The following ZBTB8A variants were observed in gnomAD, a reference collection of about 807,000 sequenced individuals.
The protein encoded by ZBTB8A is zinc finger and BTB domain containing 8A, also known as zinc finger and BTB domain-containing protein 8A.
In ZBTB8A, 19 loss-of-function variants were observed where a neutral mutation model predicts 37.8. That is an observed-to-expected ratio of 0.50 (90% CI 0.35 to 0.74). ZBTB8A has a LOEUF of 0.74. Among genes scored for constraint, ZBTB8A ranks in the 30% least tolerant of loss-of-function variants. The pLI is 0.01. For missense variants in ZBTB8A, 394 were observed against 537.8 expected (o/e 0.73, Z 2.65); for synonymous variants, 181 against 185.2 (o/e 0.98, Z 0.19).
intron 1 of ZBTB8A, among the ~76,000 whole-genome samples, chr1:32,544,490 A>G (rs1311637525): frequency 6.6e-6 from 1 of 152,240 alleles, no homozygotes; most frequent in Non-Finnish European, 1.5e-5. Context: ...CGAGGTCAGG[A>G]GTTCAAGACA....
In ZBTB8A at chr1:32,584,009, C is replaced by T. The variant is rs112088689; in HGVS notation, c.-1-8922C>T. Among the ~76,000 whole-genome samples the T allele has an allele frequency of 2.3e-3, 346 of 152,208 alleles. 1 individual carries two copies. The highest frequency in any genetic ancestry group is 7.8e-3 in the African/African-American group (324 of 41,524). On this transcript the variant is annotated intron_variant, in intron 2 of 4. Coordinates refer to ENST00000373510, the MANE Select transcript of ZBTB8A (RefSeq NM_001040441.3). ...TTGACCTTAAGTGATCCACCTGCCT[C>T]GGCCTCCCAAAGTGCTGGGATTACA...
At chr1:32,545,212 G>GA (rs540944844) in intron 1 of ZBTB8A, among the ~76,000 whole-genome samples, 7 of 148,914 alleles carry the variant, frequency 4.7e-5, no homozygotes, top group African/African-American at 7.4e-5. Context: ...GAAAAACATG[G>GA]AAAAAAAAGA....
intron 1 of ZBTB8A, among the ~76,000 whole-genome samples, chr1:32,541,153 AT>A (rs1644050098): frequency 6.6e-6 from 1 of 152,200 alleles, no homozygotes; most frequent in Non-Finnish European, 1.5e-5. Flanking sequence ...GATGTGTTTG[AT>A]TCCCTTGAAT....
chr1:32,549,459 A>C (rs1336484428), intron 1 of ZBTB8A, among the ~76,000 whole-genome samples: 1 of 149,424 alleles, frequency 6.7e-6, no homozygotes. Context: ...ACACCGTTGC[A>C]CTCCAGCCTG....
At position 32,601,138 on chromosome 1, in the gene ZBTB8A, G is replaced by A. The variant is rs1049052707; in HGVS notation, c.*719G>A. The A allele has an allele frequency of 6.6e-6, 1 of 152,282 alleles. No homozygotes were observed. The highest frequency in any genetic ancestry group is 2.4e-5 in the African/African-American group (1 of 41,378). The allele number at this position is 152,282 out of a possible 1,614,324, so 9.4% of individuals were successfully genotyped here. A position where few individuals can be genotyped will look rare whatever the true frequency, so the allele number is the denominator to read the frequency against. On this transcript the variant is annotated 3_prime_UTR_variant, in exon 5 of 5. Coordinates refer to ENST00000373510, the MANE Select transcript of ZBTB8A (RefSeq NM_001040441.3). ...GAAACTAATGTTGCCTAAAAGTCAA[G>A]GTAGTTTGTGAAGACAATCTGTCAA...
intron 1 of ZBTB8A, among the ~76,000 whole-genome samples, chr1:32,549,611 T>A (rs1644134779): frequency 6.6e-6 from 1 of 152,028 alleles, no homozygotes; most frequent in Admixed American, 6.6e-5. Context: ...CGCAGTGTAA[T>A]CCAGCACTTT....
rs528532953 is a variant in ZBTB8A at position 32,581,360 on chromosome 1, A to T, written c.-1-11571A>T. On this transcript the variant is annotated intron_variant, in intron 2 of 4. Coordinates refer to ENST00000373510, the MANE Select transcript of ZBTB8A (RefSeq NM_001040441.3). ...ATATAAAAATATGTATTATATATAT[A>T]TTTTTTTTGAGATAGAGTTTCCCTC... Among the ~76,000 whole-genome samples, 134 of 131,226 alleles carry T rather than the reference A, an allele frequency of 1.0e-3. 1 individual carries two copies. The highest frequency in any genetic ancestry group is 5.7e-3 in the East Asian group (28 of 4,880). The allele number at this position is 131,226 out of a possible 152,430, so 86.1% of individuals were successfully genotyped here.
At chr1:32,592,411 A>G (rs1247773905) in intron 2 of ZBTB8A, among the ~76,000 whole-genome samples, 1 of 151,862 alleles carries the variant, frequency 6.6e-6, no homozygotes, top group African/African-American at 2.4e-5. Flanking sequence ...ATGGTGGTGC[A>G]CACCTGTAGT....
intron 4 of ZBTB8A, among the ~76,000 whole-genome samples, chr1:32,599,220 A>G (rs1169754368): frequency 1.3e-5 from 2 of 151,580 alleles, no homozygotes; most frequent in African/African-American, 4.8e-5. Flanking sequence ...AAATTAAGAT[A>G]TGTTCAGCCT....
chr1:32,601,756 C>A lies in ZBTB8A; in HGVS notation c.*1337C>A, dbSNP rs2148257384. 2.5e-6 allele frequency: 1 copy of A among 397,998 alleles called. No homozygotes were observed. Among genetic ancestry groups the A allele is most frequent in the South Asian group, 1.3e-4 (1 of 7,774 alleles). 24.7% of individuals were successfully genotyped at this position (397,998 alleles called of 1,614,324 possible). A position where few individuals can be genotyped will look rare whatever the true frequency, so the allele number is the denominator to read the frequency against. On this transcript the variant is annotated 3_prime_UTR_variant, in exon 5 of 5. Coordinates refer to ENST00000373510, the MANE Select transcript of ZBTB8A (RefSeq NM_001040441.3). The stretch of plus-strand genomic sequence containing the variant: ...AAGTCAAACCTCACCAGTTGGCAGT[C>A]ATTATAAAAATAAGCCAATCAGAAT...
intron 4 of ZBTB8A, among the ~76,000 whole-genome samples, chr1:32,595,831 T>C (rs1206994199): frequency 6.6e-6 from 1 of 151,718 alleles, no homozygotes; most frequent in African/African-American, 2.4e-5. Flanking sequence ...TGTATTTTTA[T>C]ATTTTTTGTA....
chr1:32,587,830 G>C (rs1377690959), intron 2 of ZBTB8A, among the ~76,000 whole-genome samples: 2 of 152,010 alleles, frequency 1.3e-5, no homozygotes, highest in African/African-American at 4.8e-5. Context: ...AGCAGGAGTA[G>C]AGAGGTAGGA....
At chr1:32,599,683 C>G (rs1168145729) in intron 4 of ZBTB8A, among the ~76,000 whole-genome samples, 2 of 151,870 alleles carry the variant, frequency 1.3e-5, no homozygotes, top group Non-Finnish European at 1.5e-5. Flanking sequence ...CACTATTGCA[C>G]TCCAGCCTGG....
chr1:32,591,201 T>C (rs577644927), intron 2 of ZBTB8A, among the ~76,000 whole-genome samples: 22 of 150,256 alleles, frequency 1.5e-4, no homozygotes, highest in African/African-American at 4.9e-4. Flanking sequence ...GAGCCACCAC[T>C]CCCGGCCTAA....
chr1:32,585,788 A>C (rs1644443276), intron 2 of ZBTB8A, among the ~76,000 whole-genome samples: 1 of 151,976 alleles, frequency 6.6e-6, no homozygotes, highest in South Asian at 2.1e-4. Context: ...GGATCACCTG[A>C]AGTCAGGAGT....
At chr1:32,563,678 G>A (rs1206980836) in intron 2 of ZBTB8A, among the ~76,000 whole-genome samples, 1 of 151,990 alleles carries the variant, frequency 6.6e-6, no homozygotes, top group East Asian at 1.9e-4. Flanking sequence ...TCATCATCTT[G>A]GCCAGGCTGG....
Position 32,581,229 on chromosome 1 carries a change from ATATAT to A in ZBTB8A, c.-1-11696_-1-11692del, listed in dbSNP as rs1469168840. Among the ~76,000 whole-genome samples the A allele has an allele frequency of 1.2e-3, 106 of 86,664 alleles. 1 individual carries two copies. Among genetic ancestry groups the A allele is most frequent in the Non-Finnish European group, 1.6e-3 (75 of 46,772 alleles). 56.9% of individuals were successfully genotyped at this position (86,664 alleles called of 152,430 possible). ...TATATATTATATATAATATAATATA[ATATAT>A]TATATAATTGTAATATATAGATATA... is the stretch of plus-strand genomic sequence containing the variant. On this transcript the variant is annotated intron_variant, in intron 2 of 4. Transcript: ENST00000373510.
chr1:32,584,336 C>T (rs1159915455), intron 2 of ZBTB8A, among the ~76,000 whole-genome samples: 1 of 151,964 alleles, frequency 6.6e-6, no homozygotes, highest in Non-Finnish European at 1.5e-5. Flanking sequence ...TTTGTTATGG[C>T]AGCCCTAGGA....
intron 2 of ZBTB8A, among the ~76,000 whole-genome samples, chr1:32,554,078 T>C (rs1644179447): frequency 6.7e-6 from 1 of 150,356 alleles, no homozygotes; most frequent in Non-Finnish European, 1.5e-5. Context: ...TGGGCGCCTA[T>C]AATCCCAGGT....
Sources: gnomAD v4.1 joint callset for allele counts (sites outside exome capture counted in the v4.1 genomes callset) on GRCh38, gnomAD v4.1.1 for gene constraint, MANE v1.5 for transcripts, NCBI Gene and HGNC (gene_info 2026-07-23, HGNC 2026-07-21) for gene names.